MYO15A: variants seen among roughly 807,000 people sequenced by gnomAD.
MYO15A encodes the protein myosin XVA.
A neutral mutation model predicts 394.6 loss-of-function variants in MYO15A; 308 were observed. The ratio of observed to expected loss-of-function variants is 0.78; its 90% CI spans 0.71 to 0.86. The LOEUF is 0.86. Ranked by LOEUF, MYO15A falls within the 40% of genes least tolerant of loss-of-function variation. The probability of loss-of-function intolerance (pLI) is 0.00; values close to 1 mark genes in which losing one functional copy is unlikely to be tolerated. For missense variants in MYO15A, 4,606 were observed against 4,799.1 expected (o/e 0.96, Z 1.19); for synonymous variants, 1,957 against 2,003.8 (o/e 0.98, Z 0.62).
In MYO15A at chr17:18,173,813, C is replaced by G; in HGVS notation, c.10383C>G (p.Ile3461Met). ...TGGTGAAGTTCCCCCTGAAGGAGAT[C>G]CAGTCGACGCGGACCCAGCGGCCCA... ...ELMVKFPLKE[I>M]QSTRTQRPTA... Residue 3461 changes from isoleucine to methionine, a missense_variant, in exon 65 of 66, where the codon ATC (isoleucine) becomes ATG (methionine). By Grantham distance (10) the Ile-to-Met change is conservative. This residue lies in a region of MYO15A where 2,776 missense variants were observed against 3,109.3 expected (regional missense o/e 0.89). Coordinates refer to ENST00000647165, the MANE Select transcript of MYO15A (RefSeq NM_016239.4). 6.2e-7 allele frequency: 1 copy of G among 1,614,020 alleles called. No homozygotes were observed. The highest frequency in any genetic ancestry group is 8.5e-7 in the Non-Finnish European group (1 of 1,180,032).
rs368717526 is a variant in MYO15A, at chr17:18,138,254, G to T, written c.5007+8G>T. On this transcript the variant is annotated splice_region_variant and intron_variant, in intron 17 of 65. Transcript: ENST00000647165. ...CAGTGTTGCTTTCCCCAGGTGAGCC[G>T]CAGGCACTGTGTGAGCCTAGTCAGG... 8 of 1,611,270 alleles carry T rather than the reference G, an allele frequency of 5.0e-6. No homozygotes were observed. In the Admixed American group the frequency reaches 1.3e-4, roughly 27 times the overall value.
intron 58 of MYO15A, among the ~76,000 whole-genome samples, chr17:18,162,885 A>G (rs1486089681): frequency 6.6e-6 from 1 of 152,208 alleles, no homozygotes; most frequent in African/African-American, 2.4e-5. Context: ...CTGTAATCCC[A>G]GCTACTCGGG....
Position 18,120,155 on chromosome 17 carries a change from T to C in MYO15A, c.1355T>C (p.Leu452Pro). ...GVERQGTSFR[L>P]PSAAFFEQQG... ...GAGCGTCAGGGGACCTCCTTCCGCC[T>C]GCCCAGCGCCGCCTTCTTCGAGCAG... Residue 452 changes from leucine to proline, a missense_variant, in exon 2 of 66, where the codon CTG (leucine) becomes CCG (proline). By Grantham distance (98) the Leu-to-Pro change is moderately conservative. Around this residue, in one of 2 missense-constraint regions of MYO15A, gnomAD observed 1,830 missense variants for 1,689.7 expected, o/e 1.08. Transcript: ENST00000647165. 6.2e-7 allele frequency: 1 copy of C among 1,612,902 alleles called. No individual in the cohort carries two copies.
chr17:18,135,297 A>G (rs574852919), intron 12 of MYO15A, among the ~76,000 whole-genome samples: 21 of 152,254 alleles, frequency 1.4e-4, no homozygotes, highest in African/African-American at 5.1e-4. Context: ...CAGCCTCCCA[A>G]GTAGCTGGGA....
At position 18,153,893 on chromosome 17, in the gene MYO15A, AGAGGTGCC is replaced by A. The variant is rs2046629086; in HGVS notation, c.8088+1_8088+8del. 1 of 1,613,250 alleles carries A rather than the reference AGAGGTGCC, an allele frequency of 6.2e-7. No individual in the cohort carries two copies. Among genetic ancestry groups the A allele is most frequent in the African/African-American group, 1.3e-5 (1 of 74,864 alleles). On this transcript the variant is annotated splice_donor_variant and splice_donor_5th_base_variant and coding_sequence_variant and intron_variant, in exon 43 of 66. Coordinates refer to ENST00000647165, the MANE Select transcript of MYO15A (RefSeq NM_016239.4). LOFTEE classifies it high-confidence loss of function. The surrounding 1 kb of genome is among the most constrained non-coding windows in gnomAD (Gnocchi z 4.1). The stretch of plus-strand genomic sequence containing the variant: ...CCCCCTGGAAGATCTTCCTGCGCAA[AGAGGTGCC>A]GAGCACAGCCGTAGCCAGGGGAGGG...
chr17:18,160,466 A>T (rs951406333), intron 56 of MYO15A, among the ~76,000 whole-genome samples: 1 of 152,328 alleles, frequency 6.6e-6, no homozygotes, highest in African/African-American at 2.4e-5. Flanking sequence ...GCAAGGTGGC[A>T]GGTCTGGGGC....
Position 18,136,409 on chromosome 17 carries a change from G to C in MYO15A, c.4597-8G>C, listed in dbSNP as rs781553845. On this transcript the variant is annotated splice_polypyrimidine_tract_variant and splice_region_variant and intron_variant, in intron 13 of 65. Coordinates refer to ENST00000647165, the MANE Select transcript of MYO15A (RefSeq NM_016239.4). The stretch of plus-strand genomic sequence containing the variant: ...CTGATGTCACTCAAGGGCTGTGCCC[G>C]TCCCTAGGAGACAATGCGAGAGAAG... The C allele has an allele frequency of 3.7e-6, 6 of 1,613,510 alleles. No individual in the cohort carries two copies. The highest frequency in any genetic ancestry group is 4.2e-6 in the Non-Finnish European group (5 of 1,180,032).
Position 18,156,222 on chromosome 17 carries a change from G to A in MYO15A, c.8487G>A (p.Met2829Ile). 1 of 1,614,138 alleles carries A rather than the reference G, an allele frequency of 6.2e-7. No homozygotes were observed. The highest frequency in any genetic ancestry group is 2.2e-5 in the East Asian group (1 of 44,878). The change falls in exon 48 of 66, where the codon ATG becomes ATA. Residue 2829 changes from methionine to isoleucine, a missense_variant. This residue lies in a region of MYO15A where 2,776 missense variants were observed against 3,109.3 expected (regional missense o/e 0.89). Coordinates refer to ENST00000647165, the MANE Select transcript of MYO15A (RefSeq NM_016239.4). ...YSFADILFVT[M>I]PSQNMLEFNL... ...TTGCAGATATCCTGTTTGTGACCAT[G>A]CCCTCCCAGAACATGCTGGAGTTCA...
chr17:18,125,024 T>C (rs1463693550), intron 3 of MYO15A, 144 bp from the exon 4 acceptor site: 1 of 793,704 alleles, frequency 1.3e-6, no homozygotes, highest in Admixed American at 1.8e-5. Flanking sequence ...AAGTAATTTG[T>C]CCAAGGTCTC....
chr17:18,129,873 GTTTTTT>G (rs1490349336), intron 7 of MYO15A, among the ~76,000 whole-genome samples: 158 of 152,126 alleles, frequency 1.0e-3, no homozygotes, highest in African/African-American at 3.8e-3. Flanking sequence ...TATTCCTTTT[GTTTTTT>G]GTTTTTGTTT....
At position 18,118,952 on chromosome 17, in the gene MYO15A, G is replaced by A. The variant is rs569331416; in HGVS notation, c.152G>A (p.Gly51Asp). ...RDRTPKISKK[G>D]QFRSASAFFW... ...CGTACACCCAAGATCTCCAAGAAGGGCCAGTTCCGCAGCGCCTCGGCCTTC... is the reference window on the plus strand; with the variant it reads ...CGTACACCCAAGATCTCCAAGAAGGACCAGTTCCGCAGCGCCTCGGCCTTC... Residue 51 changes from glycine (G) to aspartate (D), a missense_variant, in exon 2 of 66, where the codon GGC becomes GAC. Gly to Asp is a moderately conservative substitution (Grantham distance 94). Coordinates refer to ENST00000647165, the MANE Select transcript of MYO15A (RefSeq NM_016239.4). 6.2e-7 allele frequency: 1 copy of A among 1,613,468 alleles called. No individual in the cohort carries two copies. Among genetic ancestry groups the A allele is most frequent in the East Asian group, 2.2e-5 (1 of 44,860 alleles).
At position 18,158,632 on chromosome 17, in the gene MYO15A, G is replaced by C. The variant is rs747024876; in HGVS notation, c.9077G>C (p.Arg3026Thr). 3.7e-6 allele frequency: 6 copies of C among 1,614,006 alleles called. No homozygotes were observed. In the East Asian group the frequency reaches 1.3e-4, roughly 36 times the overall value. ...AQKYFRDPQR[R>T]PQDGLRLKSK... is the part of the protein sequence containing the mutation. ...AAGTATTTCCGAGACCCTCAGAGGA[G>C]ACCCCAGTGAGTGGCGGCCCCACCC... is the stretch of plus-strand genomic sequence containing the variant. The change falls in exon 52 of 66, where the codon AGA becomes ACA. Residue 3026 changes from arginine to threonine, a missense_variant. Around this residue, in one of 2 missense-constraint regions of MYO15A, gnomAD observed 2,776 missense variants for 3,109.3 expected, o/e 0.89. Coordinates refer to ENST00000647165, the MANE Select transcript of MYO15A (RefSeq NM_016239.4).
chr17:18,167,662 C>T lies in MYO15A; in HGVS notation c.10021C>T (p.Gln3341Ter). ...ASRPSEQLLQ[Q>*]VSKLASLQHR... Reference sequence around the variant, plus strand: ...CCGGCCCAGCGAGCAGCTGCTGCAGCAGGTGTCCAAGCTGGCTTCACTGCA... The same window carrying T: ...CCGGCCCAGCGAGCAGCTGCTGCAGTAGGTGTCCAAGCTGGCTTCACTGCA... The change falls in exon 62 of 66, where the codon CAG becomes TAG. Residue 3341 changes from glutamine to a stop codon, truncating the protein, a stop_gained. Coordinates refer to ENST00000647165, the MANE Select transcript of MYO15A (RefSeq NM_016239.4). LOFTEE classifies it high-confidence loss of function. The T allele has an allele frequency of 6.2e-7, 1 of 1,604,530 alleles. No homozygotes were observed.
Position 18,119,944 on chromosome 17 carries a change from G to T in MYO15A, c.1144G>T (p.Glu382Ter), listed in dbSNP as rs758452758. The T allele has an allele frequency of 1.2e-6, 2 of 1,613,632 alleles. No homozygotes were observed. Among genetic ancestry groups the T allele is most frequent in the Non-Finnish European group, 1.7e-6 (2 of 1,180,002 alleles). ...AGTCCACTACACCGTCCCCTATGCC[G>T]AAGGCGTCTATGGCGGTGGGGACGA... is the stretch of plus-strand genomic sequence containing the variant. ...YGVHYTVPYA[E>*]GVYGGGDEAI... The change falls in exon 2 of 66, where the codon GAA becomes TAA. Residue 382 changes from glutamate (E) to a stop codon, truncating the protein, a stop_gained. Coordinates refer to ENST00000647165, the MANE Select transcript of MYO15A (RefSeq NM_016239.4). LOFTEE classifies it high-confidence loss of function.
At chr17:18,141,811 T>C in intron 23 of MYO15A, 41 bp downstream of exon 23, 1 of 1,593,280 alleles carries the variant, frequency 6.3e-7, no homozygotes. Flanking sequence ...GACCCCAAGT[T>C]TGGGGGGGTC....
intron 28 of MYO15A, 128 bp downstream of exon 28, chr17:18,144,128 C>T: frequency 6.9e-7 from 1 of 1,450,930 alleles, no homozygotes; most frequent in Non-Finnish European, 9.4e-7. Flanking sequence ...CTTTTAGTTG[C>T]TGGATCATAG....
chr17:18,174,717 G>A (rs1226612485), intron 65 of MYO15A, among the ~76,000 whole-genome samples: 1 of 152,200 alleles, frequency 6.6e-6, no homozygotes, highest in Non-Finnish European at 1.5e-5. Flanking sequence ...GAAGAGATAG[G>A]ATTCAGGCCC....
Position 18,163,232 on chromosome 17 carries a change from T to A in MYO15A, c.9613-12T>A. The stretch of plus-strand genomic sequence containing the variant: ...CCCAACCTGTCATCCCTCTCCCACC[T>A]ATCTACCCCAGGCAGGCCGCAGTTC... On this transcript the variant is annotated splice_polypyrimidine_tract_variant and intron_variant, in intron 58 of 65. Coordinates refer to ENST00000647165, the MANE Select transcript of MYO15A (RefSeq NM_016239.4). The A allele has an allele frequency of 6.2e-7, 1 of 1,613,940 alleles. No homozygotes were observed. The highest frequency in any genetic ancestry group is 8.5e-7 in the Non-Finnish European group (1 of 1,179,800).
chr17:18,162,030 CT>C (rs2046784440), intron 57 of MYO15A, among the ~76,000 whole-genome samples: 1 of 152,158 alleles, frequency 6.6e-6, no homozygotes, highest in Non-Finnish European at 1.5e-5. Flanking sequence ...CTGAATGCTT[CT>C]CTCTGATTCA....
Sources: allele counts gnomAD v4.1 joint callset (sites outside exome capture counted in the v4.1 genomes callset), GRCh38; gene constraint gnomAD v4.1.1; regional missense constraint gnomAD v4.1.1; non-coding constraint Gnocchi (gnomAD v3.1); transcripts MANE v1.5; gene names NCBI Gene and HGNC (gene_info 2026-07-23, HGNC 2026-07-21).